Variants in ORC3 observed in about 807,000 individuals in gnomAD.
The protein encoded by ORC3 is origin recognition complex subunit 3.
ORC3 carries 78 observed loss-of-function variants against 100.7 expected under a neutral mutation model. That is an observed-to-expected ratio of 0.77 (90% CI 0.65 to 0.94). The LOEUF (loss-of-function observed/expected upper bound fraction) is 0.94, where lower values mean the gene tolerates loss of function less well. ORC3 is among the 40% of genes least tolerant of loss of function. The pLI, the probability that ORC3 is intolerant of heterozygous loss-of-function variation, is 0.00. For missense variants in ORC3, 789 were observed against 823.9 expected, an observed-to-expected ratio of 0.96 and a Z score of 0.52; for synonymous variants, 295 against 289.3, an observed-to-expected ratio of 1.02 and a Z score of -0.20.
In ORC3 at chr6:87,658,438, C is replaced by T. The variant is rs376979882; in HGVS notation, c.1691+420C>T. On this transcript the variant is annotated intron_variant, in intron 16 of 19. Transcript: ENST00000392844. ...TGCCACTGCACTCCAGCCTGGGCAA[C>T]GGTGCAAGACTCCGTCTCAAAAAAA... Among the ~76,000 whole-genome samples, 15 of 147,000 alleles carry T rather than the reference C, an allele frequency of 1.0e-4. No individual in the cohort carries two copies. The South Asian group carries it at 1.1e-3, about 11-fold the overall frequency.
chr6:87,611,399 C>T (rs1280567660), intron 7 of ORC3, among the ~76,000 whole-genome samples: 1 of 152,008 alleles, frequency 6.6e-6, no homozygotes, highest in Admixed American at 6.6e-5. Context: ...ACTACCTTAG[C>T]CATCAAAAGT....
chr6:87,630,527 A>G (rs1418730985), intron 11 of ORC3, among the ~76,000 whole-genome samples: 2 of 152,242 alleles, frequency 1.3e-5, no homozygotes, highest in East Asian at 3.8e-4. Context: ...TTGAGAATAC[A>G]GGAGTGAACC....
chr6:87,603,346 A>T (rs760400990), intron 3 of ORC3, 38 bp from the exon 4 acceptor site: 1 of 1,143,252 alleles, frequency 8.7e-7, no homozygotes. Context: ...TCAGATTATT[A>T]TTTCTAATAA....
intron 12 of ORC3, among the ~76,000 whole-genome samples, chr6:87,635,339 A>G (rs1440431602): frequency 2.0e-5 from 3 of 152,192 alleles, no homozygotes; most frequent in Non-Finnish European, 4.4e-5. Flanking sequence ...CACCCAGAAT[A>G]AAAAGAGAAG....
chr6:87,612,324 A>G lies in ORC3; in HGVS notation c.873+76A>G, dbSNP rs1457536899. 3.1e-6 allele frequency: 3 copies of G among 962,660 alleles called. No homozygotes were observed. The African/African-American group carries it at 5.0e-5, about 16-fold the overall frequency. 59.6% of individuals were successfully genotyped at this position (962,660 alleles called of 1,614,324 possible). A position where few individuals can be genotyped will look rare whatever the true frequency, so the allele number is the denominator to read the frequency against. ...ATAATAGATTGTTAAGATAACTGTTAACAATAAGCCTCTACAACTCTCTGA... is the reference window on the plus strand; with the variant it reads ...ATAATAGATTGTTAAGATAACTGTTGACAATAAGCCTCTACAACTCTCTGA... On this transcript the variant is annotated intron_variant, in intron 8 of 19. Transcript: ENST00000392844.
At chr6:87,609,744 G>A (rs926589328) in intron 7 of ORC3, among the ~76,000 whole-genome samples, 7 of 151,932 alleles carry the variant, frequency 4.6e-5, no homozygotes, top group African/African-American at 1.2e-4. Flanking sequence ...TAGAAACAGA[G>A]TTTCACCATG....
At chr6:87,673,288 G>A in the ORC3 span, among the ~76,000 whole-genome samples, 1 of 149,760 alleles carries the variant, frequency 6.7e-6, no homozygotes, top group Non-Finnish European at 1.5e-5. Flanking sequence ...AGCCTCCCAA[G>A]TAGCTGGGAC....
At chr6:87,626,250 G>A (rs1366093130) in intron 11 of ORC3, among the ~76,000 whole-genome samples, 1 of 152,054 alleles carries the variant, frequency 6.6e-6, no homozygotes, top group East Asian at 1.9e-4. Flanking sequence ...GATGGGGATG[G>A]CATTGAATCT....
chr6:87,660,657 A>G (rs1394983212), intron 16 of ORC3, among the ~76,000 whole-genome samples: 1 of 152,252 alleles, frequency 6.6e-6, no homozygotes, highest in Non-Finnish European at 1.5e-5. Context: ...GCCACTTTCT[A>G]AGTTACTGTT....
At chr6:87,670,182 C>CTTT (rs757457023), downstream of ORC3, among the ~76,000 whole-genome samples, 19 of 152,148 alleles carry the variant, frequency 1.2e-4, no homozygotes, top group Non-Finnish European at 1.9e-4. Context: ...GCCCTATTTT[C>CTTT]TTTTTCGAGA....
chr6:87,593,446 G>A (rs779105462), intron 1 of ORC3, among the ~76,000 whole-genome samples: 20 of 152,202 alleles, frequency 1.3e-4, no homozygotes, highest in Non-Finnish European at 2.8e-4. Flanking sequence ...AAATAAAGAT[G>A]TTCAAGTACT....
At chr6:87,595,714 A>G (rs1424729321) in intron 2 of ORC3, among the ~76,000 whole-genome samples, 2 of 152,228 alleles carry the variant, frequency 1.3e-5, no homozygotes, top group South Asian at 2.1e-4. Context: ...TTAATCACTC[A>G]TAGACACACA....
intron 6 of ORC3, among the ~76,000 whole-genome samples, chr6:87,608,881 T>C (rs55886172): frequency 1.7e-4 from 26 of 152,276 alleles, no homozygotes; most frequent in Non-Finnish European, 2.9e-4. Flanking sequence ...ATATGAGTTA[T>C]AGATTTTTAC....
downstream of ORC3, among the ~76,000 whole-genome samples, chr6:87,671,692 T>C (rs1015214067): frequency 6.6e-6 from 1 of 152,132 alleles, no homozygotes; most frequent in Non-Finnish European, 1.5e-5. Flanking sequence ...AAGTGTAGTA[T>C]TTTGCAAGCC....
the ORC3 span, among the ~76,000 whole-genome samples, chr6:87,673,154 ATTTTTTTTTTTT>A: frequency 1.5e-5 from 1 of 65,866 alleles, no homozygotes; most frequent in South Asian, 5.6e-4. Context: ...AAAAAAAAAA[ATTTTTTTTTTTT>A]TTTTTTTTTT....
intron 9 of ORC3, among the ~76,000 whole-genome samples, chr6:87,617,572 T>A (rs1472323660): frequency 6.6e-6 from 1 of 151,844 alleles, no homozygotes; most frequent in Non-Finnish European, 1.5e-5. Context: ...TCATCTCTAT[T>A]AAAAATAAAA....
rs528811945 is a variant in ORC3, at chr6:87,666,964, AT to A, written c.2031-53del. The A allele has an allele frequency of 2.6e-3, 2,656 of 1,018,468 alleles. 19 individuals are homozygous for A. Among genetic ancestry groups the A allele is most frequent in the South Asian group, 9.2e-3 (644 of 69,816 alleles). 63.1% of individuals were successfully genotyped at this position (1,018,468 alleles called of 1,614,324 possible). ...CTAGTATTTTAACATTGAGATTTTA[AT>A]CCCTTTTTGTCAAAAATACAGCACG... On this transcript the variant is annotated intron_variant, in intron 19 of 19. Coordinates refer to ENST00000392844, the MANE Select transcript of ORC3 (RefSeq NM_012381.4).
intron 4 of ORC3, 23 bp from the exon 5 acceptor site, chr6:87,605,893 TA>T: frequency 8.7e-7 from 1 of 1,147,984 alleles, no homozygotes; most frequent in Non-Finnish European, 1.3e-6. Flanking sequence ...AATGGTGATG[TA>T]ATATTGATGT....
At chr6:87,600,502 T>A (rs1354090449) in intron 2 of ORC3, among the ~76,000 whole-genome samples, 1 of 152,138 alleles carries the variant, frequency 6.6e-6, no homozygotes, top group East Asian at 1.9e-4. Context: ...GGCTTAAATT[T>A]TTTTGAAAGA....
Sources: allele counts gnomAD v4.1 joint callset (sites outside exome capture counted in the v4.1 genomes callset), GRCh38; gene constraint gnomAD v4.1.1; transcripts MANE v1.5; gene names NCBI Gene and HGNC (gene_info 2026-07-23, HGNC 2026-07-21).